RBFOX3: variants seen among roughly 807,000 people sequenced by gnomAD.
RBFOX3 encodes the protein RNA binding protein fox-1 homolog 3.
A neutral mutation model predicts 48.7 loss-of-function variants in RBFOX3; 17 were observed. The ratio of observed to expected loss-of-function variants is 0.35; its 90% CI spans 0.24 to 0.52. The LOEUF is 0.52. RBFOX3 is among the 20% of genes least tolerant of loss of function. The pLI is 0.94. For missense variants in RBFOX3, 382 were observed against 497.5 expected (o/e 0.77, Z 2.21); for synonymous variants, 212 against 209.5 (o/e 1.01, Z -0.10).
At chr17:79,441,331 T>C (rs1568255902) in intron 2 of RBFOX3, among the ~76,000 whole-genome samples, 1 of 152,144 alleles carries the variant, frequency 6.6e-6, no homozygotes, top group Non-Finnish European at 1.5e-5. Flanking sequence ...TCCTGGAACC[T>C]GAGAAGGCAA....
intron 3 of RBFOX3, among the ~76,000 whole-genome samples, chr17:79,293,365 T>G (rs986672948): frequency 5.5e-5 from 1 of 18,276 alleles, no homozygotes; most frequent in African/African-American, 2.3e-4. Context: ...CTCCCTCCCC[T>G]CCCCCTCCCT....
At chr17:79,278,503 C>T (rs1303897360) in intron 3 of RBFOX3, among the ~76,000 whole-genome samples, 2 of 152,150 alleles carry the variant, frequency 1.3e-5, no homozygotes, top group African/African-American at 2.4e-5. Context: ...AGCTGCCTCC[C>T]ACTGGGAAGT....
intron 3 of RBFOX3, among the ~76,000 whole-genome samples, chr17:79,298,899 C>T (rs1600494786): frequency 6.6e-6 from 1 of 152,182 alleles, no homozygotes; most frequent in East Asian, 1.9e-4. Flanking sequence ...GTTGACCTTG[C>T]TGGCAGGACA....
chr17:79,476,142 C>G (rs2077712182), intron 2 of RBFOX3, among the ~76,000 whole-genome samples: 1 of 152,216 alleles, frequency 6.6e-6, no homozygotes, highest in African/African-American at 2.4e-5. Context: ...ATCTGGGGAG[C>G]AGCGGCAGGG....
intron 2 of RBFOX3, among the ~76,000 whole-genome samples, chr17:79,376,309 C>T (rs951047061): frequency 7.9e-5 from 12 of 152,224 alleles, no homozygotes; most frequent in South Asian, 4.2e-4. Flanking sequence ...AGAGAAAGTC[C>T]GGTCTCTGTT....
chr17:79,400,681 C>T (rs139462213), intron 2 of RBFOX3, among the ~76,000 whole-genome samples: 8 of 152,332 alleles, frequency 5.3e-5, no homozygotes, highest in Non-Finnish European at 1.2e-4. Flanking sequence ...TAGGAAGATG[C>T]GGCTGTAAGC....
chr17:79,122,054 G>GC lies in RBFOX3; in HGVS notation c.-33-6307dup, dbSNP rs987358546. Among the ~76,000 whole-genome samples the GC allele has an allele frequency of 3.9e-5, 6 of 152,046 alleles. No homozygotes were observed. In the East Asian group the frequency reaches 9.7e-4, roughly 25 times the overall value. ...GTCTTCCCCATCTCAGGAAACACCT[G>GC]CCCCCCAGTCCAGCACATAGTCCTA... On this transcript the variant is annotated intron_variant, in intron 4 of 14. Coordinates refer to ENST00000693108, the MANE Select transcript of RBFOX3 (RefSeq NM_001350451.2).
intron 4 of RBFOX3, among the ~76,000 whole-genome samples, chr17:79,163,620 C>T (rs2047405299): frequency 6.6e-6 from 1 of 152,218 alleles, no homozygotes; most frequent in Admixed American, 6.5e-5. Context: ...CTGGTGCTTT[C>T]CTCACCCTGC....
At chr17:79,138,851 T>C (rs7223322) in intron 4 of RBFOX3, among the ~76,000 whole-genome samples, 36,358 of 89,804 alleles carry the variant, frequency 0.4, 7,706 homozygotes, top group East Asian at 0.89. Context: ...ACACAGCACA[T>C]GCATTCACGC....
chr17:79,115,684 G>C lies in RBFOX3; in HGVS notation c.32C>G (p.Pro11Arg). MAQPYPPAQY[P>R]PPPQNGIPAE... is the part of the protein sequence containing the mutation. ...AGGGATGCCGTTCTGTGGCGGAGGG[G>C]GGTACTGGGCGGGGGGGTAGGGCTG... is the stretch of plus-strand genomic sequence containing the variant. The change falls in exon 5 of 15, where the codon CCC becomes CGC. Residue 11 changes from proline to arginine, a missense_variant. Pro to Arg is a moderately radical substitution (Grantham distance 103). Transcript: ENST00000693108. The C allele has an allele frequency of 2.4e-6, 2 of 834,034 alleles. No individual in the cohort carries two copies. The highest frequency in any genetic ancestry group is 3.6e-6 in the Non-Finnish European group (2 of 558,898). The allele number at this position is 834,034 out of a possible 1,614,324, so 51.7% of individuals were successfully genotyped here. A position where few individuals can be genotyped will look rare whatever the true frequency, so the allele number is the denominator to read the frequency against.
chr17:79,325,993 G>T (rs1279849144), intron 2 of RBFOX3, among the ~76,000 whole-genome samples: 1 of 152,246 alleles, frequency 6.6e-6, no homozygotes, highest in Non-Finnish European at 1.5e-5. Context: ...ACAGCTAGAA[G>T]AGTGTCCATT....
chr17:79,121,999 C>T (rs566648156), intron 4 of RBFOX3, among the ~76,000 whole-genome samples: 5 of 152,262 alleles, frequency 3.3e-5, no homozygotes, highest in Non-Finnish European at 5.9e-5. Context: ...TGACCTCCTC[C>T]GCATTGCCCC....
intron 1 of RBFOX3, among the ~76,000 whole-genome samples, chr17:79,554,281 G>A (rs1427328437): frequency 1.3e-5 from 2 of 150,546 alleles, no homozygotes; most frequent in African/African-American, 4.9e-5. Flanking sequence ...ATTTAAGGCT[G>A]TGCATCCTCT....
chr17:79,630,152 C>T, the RBFOX3 span, among the ~76,000 whole-genome samples: 6 of 152,178 alleles, frequency 3.9e-5, no homozygotes, highest in South Asian at 2.1e-4. Context: ...GGAAGGAAGA[C>T]TAAAGGACTG....
intron 1 of RBFOX3, among the ~76,000 whole-genome samples, chr17:79,579,742 AGTCACTGGCGCCGTGGTGGGGGT>A (rs1599207300): frequency 9.9e-5 from 10 of 100,616 alleles, no homozygotes; most frequent in South Asian, 7.7e-4. Flanking sequence ...CGTGGTGGGG[AGTCACTGGCGCCGTGGTGGGGGT>A]GTCACTGGCG....
At chr17:79,509,495 C>T (rs1157156519) in intron 1 of RBFOX3, among the ~76,000 whole-genome samples, 4 of 151,092 alleles carry the variant, frequency 2.6e-5, no homozygotes, top group African/African-American at 9.8e-5. Context: ...ATGCTCAGGC[C>T]GACGGAGTCT....
At chr17:79,554,059 A>G (rs942906097) in intron 1 of RBFOX3, among the ~76,000 whole-genome samples, 5 of 152,032 alleles carry the variant, frequency 3.3e-5, no homozygotes, top group Non-Finnish European at 7.4e-5. Context: ...AACCTTGACT[A>G]TGTTTGTTAG....
chr17:79,226,945 T>C (rs1250664060), intron 4 of RBFOX3, among the ~76,000 whole-genome samples: 1 of 152,242 alleles, frequency 6.6e-6, no homozygotes, highest in African/African-American at 2.4e-5. Flanking sequence ...CTGCCAGGCC[T>C]GGGGGAACCC....
chr17:79,541,539 C>T (rs2089691409), intron 1 of RBFOX3, among the ~76,000 whole-genome samples: 2 of 152,350 alleles, frequency 1.3e-5, no homozygotes, highest in East Asian at 1.9e-4. Context: ...CTGTCCTCAG[C>T]ACTCCAGGGA....
Sources: gnomAD v4.1 joint callset for allele counts (sites outside exome capture counted in the v4.1 genomes callset) on GRCh38, gnomAD v4.1.1 for gene constraint, MANE v1.5 for transcripts, NCBI Gene and HGNC (gene_info 2026-07-23, HGNC 2026-07-21) for gene names.